The following PHF10 variants were observed in gnomAD, a reference collection of about 807,000 sequenced individuals.
PHF10 encodes PHD finger protein 10.
Under a neutral mutation model 68.5 loss-of-function variants are expected in PHF10, and 51 were observed. That is an observed-to-expected ratio of 0.74 (90% CI 0.59 to 0.94). PHF10 has a LOEUF of 0.94. Ranked by LOEUF, PHF10 falls within the 40% of genes least tolerant of loss-of-function variation. PHF10 has a pLI of 0.00. For synonymous variants in PHF10, 204 were observed against 203.5 expected (o/e 1.00, Z -0.02); for missense variants, 460 against 602.6 (o/e 0.76, Z 2.48).
chr6:169,715,634 A>T, intron 6 of PHF10, 74 bp downstream of exon 6: 1 of 1,221,400 alleles, frequency 8.2e-7, no homozygotes, highest in Non-Finnish European at 1.2e-6. Context: ...AATAACGATA[A>T]AGGGGGTGAT....
At chr6:169,723,597 A>G (rs894856441) in intron 1 of PHF10, among the ~76,000 whole-genome samples, 1 of 152,094 alleles carries the variant, frequency 6.6e-6, no homozygotes, top group Non-Finnish European at 1.5e-5. Context: ...AAGCTTGTCA[A>G]GCAGGGCCGG....
In PHF10 at chr6:169,723,850, G is replaced by T; in HGVS notation, c.82C>A (p.Pro28Thr). 1 of 1,076,174 alleles carries T rather than the reference G, an allele frequency of 9.3e-7. No homozygotes were observed. 66.7% of individuals were successfully genotyped at this position (1,076,174 alleles called of 1,614,324 possible). A position where few individuals can be genotyped will look rare whatever the true frequency, so the allele number is the denominator to read the frequency against. Residue 28 changes from proline to threonine, a missense_variant, in exon 1 of 12, where the codon CCG (proline) becomes ACG (threonine). This residue lies in a region of PHF10 where 93 missense variants were observed against 82.4 expected (regional missense o/e 1.13). Transcript: ENST00000339209. ...SDPATPGAQS[P>T]KDDNEDNSND... The stretch of plus-strand genomic sequence containing the variant: ...CGCACCGGCCGCTTCCTCACCTTCG[G>T]GGACTGCGCTCCGGGGGTGGCTGGG...
At chr6:169,713,507 G>C (rs1285957207) in intron 7 of PHF10, among the ~76,000 whole-genome samples, 1 of 151,622 alleles carries the variant, frequency 6.6e-6, no homozygotes, top group East Asian at 1.9e-4. Flanking sequence ...AGCTGAAGCA[G>C]GAGAATCACT....
chr6:169,722,245 T>C (rs1789197940), intron 1 of PHF10, among the ~76,000 whole-genome samples: 1 of 152,210 alleles, frequency 6.6e-6, no homozygotes, highest in South Asian at 2.1e-4. Flanking sequence ...AATAGTAAAA[T>C]ATATATTCTT....
chr6:169,717,663 G>T, intron 4 of PHF10, 160 bp downstream of exon 4: 1 of 539,260 alleles, frequency 1.9e-6, no homozygotes, highest in Non-Finnish European at 3.3e-6. Context: ...ATTCTCCTGT[G>T]TATTTTAACA....
Position 169,705,124 on chromosome 6 carries a change from A to T in PHF10, c.1411+9T>A. 1 of 1,576,622 alleles carries T rather than the reference A, an allele frequency of 6.3e-7. No homozygotes were observed. The highest frequency in any genetic ancestry group is 1.8e-5 in the Admixed American group (1 of 54,646). The stretch of plus-strand genomic sequence containing the variant: ...CAAAGATAATGTTTGCTCTTTTTTT[A>T]ATCTTTACCTGATGGAATAGCACCA... On this transcript the variant is annotated intron_variant, in intron 11 of 11. Transcript: ENST00000339209.
chr6:169,704,000 A>C lies in PHF10; in HGVS notation c.*3T>G, dbSNP rs1261783151. Reference sequence around the variant, plus strand: ...ATATACAGTATTAGAGTCAAAAACTATTTTATCCCTCTTTGCTGTTTTTCC... The same window carrying C: ...ATATACAGTATTAGAGTCAAAAACTCTTTTATCCCTCTTTGCTGTTTTTCC... On this transcript the variant is annotated 3_prime_UTR_variant, in exon 12 of 12. Transcript: ENST00000339209. The C allele has an allele frequency of 6.3e-7, 1 of 1,597,338 alleles. No individual in the cohort carries two copies. Among genetic ancestry groups the C allele is most frequent in the South Asian group, 1.1e-5 (1 of 87,288 alleles).
chr6:169,708,105 C>T (rs1320547812), intron 9 of PHF10: 2 of 152,160 alleles, frequency 1.3e-5, no homozygotes, highest in Non-Finnish European at 2.9e-5. Context: ...ATAACTGCAA[C>T]ATCATCAGAG....
At chr6:169,718,638 AG>A (rs1789106766) in intron 3 of PHF10, 149 bp downstream of exon 3, 1 of 544,658 alleles carries the variant, frequency 1.8e-6, no homozygotes, top group South Asian at 2.7e-5. Context: ...AGTGCGCTCT[AG>A]CCTGGGTTAC....
chr6:169,716,175 C>T (rs1789042957), intron 4 of PHF10, 87 bp from the exon 5 acceptor site: 1 of 795,904 alleles, frequency 1.3e-6, no homozygotes. Flanking sequence ...ATTCTTCAAA[C>T]CGCTCCACGT....
intron 11 of PHF10, chr6:169,704,410 T>G: frequency 3.5e-6 from 1 of 283,166 alleles, no homozygotes. Context: ...ATTCCGGAAT[T>G]TGGCTTTTTT....
intron 9 of PHF10, 144 bp downstream of exon 9, chr6:169,710,092 A>G (rs1788892271): frequency 1.8e-6 from 1 of 543,604 alleles, no homozygotes; most frequent in Non-Finnish European, 3.2e-6. Context: ...GCAAAAAAGA[A>G]AGCAGCGGAC....
At chr6:169,705,024 A>C in intron 11 of PHF10, 109 bp downstream of exon 11, 1 of 734,346 alleles carries the variant, frequency 1.4e-6, no homozygotes, top group Non-Finnish European at 2.2e-6. Context: ...ATATTTGCAC[A>C]TAAGAGTCCA....
intron 1 of PHF10, among the ~76,000 whole-genome samples, chr6:169,722,224 G>T (rs921844162): frequency 6.6e-6 from 1 of 152,132 alleles, no homozygotes; most frequent in Non-Finnish European, 1.5e-5. Context: ...GAATTAACTG[G>T]TTCTTTTCCA....
Position 169,715,836 on chromosome 6 carries a change from G to C in PHF10, c.565C>G (p.Gln189Glu), listed in dbSNP as rs151064070. Reference protein sequence around the residue: ...EYSQMQQQNTQKVEASKVPEY... With the variant: ...EYSQMQQQNTEKVEASKVPEY... ...GGCACTTTACTGGCTTCAACTTTCT[G>C]AGTATTCTGTTGTTGCATTTGCTGG... Residue 189 changes from glutamine (Q) to glutamate (E), a missense_variant, in exon 6 of 12, where the codon CAG (glutamine) becomes GAG (glutamate). Physicochemically the swap from Gln to Glu is conservative, Grantham distance 29. This residue lies in a region of PHF10 where 256 missense variants were observed against 410.5 expected (regional missense o/e 0.62). Coordinates refer to ENST00000339209, the MANE Select transcript of PHF10 (RefSeq NM_018288.4). The C allele has an allele frequency of 1.2e-6, 2 of 1,612,360 alleles. No homozygotes were observed. Among genetic ancestry groups the C allele is most frequent in the African/African-American group, 1.3e-5 (1 of 74,670 alleles).
intron 8 of PHF10, among the ~76,000 whole-genome samples, chr6:169,712,075 A>G (rs1254849432): frequency 6.6e-6 from 1 of 152,222 alleles, no homozygotes; most frequent in Non-Finnish European, 1.5e-5. Context: ...CAAGAGATCA[A>G]ATTCTGTTTT....
Position 169,710,219 on chromosome 6 carries a change from G to A in PHF10, c.1113+17C>T. The A allele has an allele frequency of 6.4e-7, 1 of 1,565,482 alleles. No homozygotes were observed. Among genetic ancestry groups the A allele is most frequent in the Non-Finnish European group, 8.6e-7 (1 of 1,159,736 alleles). On this transcript the variant is annotated intron_variant, in intron 9 of 11. Coordinates refer to ENST00000339209, the MANE Select transcript of PHF10 (RefSeq NM_018288.4). The stretch of plus-strand genomic sequence containing the variant: ...CTGGTCAGTAAAGAAGCTGAGTCAG[G>A]GGCTTTTTTCTTCTACCTTGTACCC...
chr6:169,706,723 T>TACACACACACACACACAC (rs1202611210), intron 9 of PHF10, among the ~76,000 whole-genome samples: 1 of 72,452 alleles, frequency 1.4e-5, no homozygotes, highest in African/African-American at 4.2e-5. Context: ...CATACATACA[T>TACACACACACACACACAC]ACATACACAC....
intron 2 of PHF10, chr6:169,719,195 A>G (rs3807064): frequency 0.51 from 135,097 of 263,258 alleles, 40,596 homozygotes; most frequent in East Asian, 0.98. Context: ...TTTAGTTTAA[A>G]GGACCTATGA....
Sources: allele counts gnomAD v4.1 joint callset (sites outside exome capture counted in the v4.1 genomes callset), GRCh38; gene constraint gnomAD v4.1.1; regional missense constraint gnomAD v4.1.1; transcripts MANE v1.5; gene names NCBI Gene and HGNC (gene_info 2026-07-23, HGNC 2026-07-21).